The following GRID2 variants were observed in gnomAD, a reference collection of about 807,000 sequenced individuals.
The protein encoded by GRID2 is glutamate ionotropic receptor delta type subunit 2.
GRID2 carries 33 observed loss-of-function variants against 114.8 expected under a neutral mutation model. That is an observed-to-expected ratio of 0.29 (90% CI 0.22 to 0.38). GRID2 has a LOEUF of 0.38. Among genes scored for constraint, GRID2 ranks in the 10% least tolerant of loss-of-function variants. The pLI is 1.00. For synonymous variants in GRID2, 505 were observed against 449.9 expected, an observed-to-expected ratio of 1.12 and a Z score of -1.55; for missense variants, 1,184 against 1,257.7, an observed-to-expected ratio of 0.94 and a Z score of 0.89.
intron 1 of GRID2, among the ~76,000 whole-genome samples, chr4:92,490,654 T>C (rs1723106150): frequency 1.3e-5 from 2 of 152,090 alleles, no homozygotes; most frequent in Admixed American, 1.3e-4. Context: ...TGGGAAAAAA[T>C]GAAATGCTGA....
intron 2 of GRID2, among the ~76,000 whole-genome samples, chr4:92,918,977 G>A (rs1214135882): frequency 6.6e-6 from 1 of 152,050 alleles, no homozygotes; most frequent in Non-Finnish European, 1.5e-5. Flanking sequence ...AATCCCTCTG[G>A]TCCTGGACTT....
chr4:93,591,681 G>A (rs62320415), intron 13 of GRID2, among the ~76,000 whole-genome samples: 1 of 151,910 alleles, frequency 6.6e-6, no homozygotes, highest in Non-Finnish European at 1.5e-5. Context: ...GAATCCATCT[G>A]GTCCTGGACT....
intron 8 of GRID2, among the ~76,000 whole-genome samples, chr4:93,259,892 C>A (rs576136829): frequency 1.1e-3 from 171 of 151,802 alleles, no homozygotes; most frequent in African/African-American, 3.5e-3. Flanking sequence ...TTTCTACTGC[C>A]TTTGCTATTA....
chr4:92,572,794 G>A (rs948132938), intron 1 of GRID2, among the ~76,000 whole-genome samples: 2 of 151,784 alleles, frequency 1.3e-5, no homozygotes, highest in African/African-American at 4.8e-5. Flanking sequence ...TTTTTTTCTT[G>A]TATCTGTCAG....
intron 1 of GRID2, among the ~76,000 whole-genome samples, chr4:92,344,646 T>C (rs1727677102): frequency 6.6e-6 from 1 of 152,162 alleles, no homozygotes. Context: ...TGCTCATTGG[T>C]GGTGAATGCT....
intron 10 of GRID2, among the ~76,000 whole-genome samples, chr4:93,451,031 AG>A (rs981280752): frequency 4.6e-5 from 7 of 152,026 alleles, no homozygotes; most frequent in African/African-American, 1.4e-4. Context: ...GCAGACAAAA[AG>A]ATGGAAGAGA....
chr4:92,933,165 A>G (rs561810801), intron 2 of GRID2, among the ~76,000 whole-genome samples: 5 of 150,048 alleles, frequency 3.3e-5, no homozygotes, highest in African/African-American at 4.9e-5. Flanking sequence ...ATATATACAC[A>G]TATATATATG....
chr4:93,810,439 A>G (rs949159874), downstream of GRID2, among the ~76,000 whole-genome samples: 59 of 152,216 alleles, frequency 3.9e-4, no homozygotes, highest in African/African-American at 1.4e-3. Context: ...AGTTGGTAAT[A>G]AAAACAAATT....
At chr4:92,644,013 C>T (rs1462836334) in intron 2 of GRID2, among the ~76,000 whole-genome samples, 1 of 151,552 alleles carries the variant, frequency 6.6e-6, no homozygotes, top group African/African-American at 2.4e-5. Flanking sequence ...ATTACATTTA[C>T]ATTGCAAGTA....
intron 4 of GRID2, among the ~76,000 whole-genome samples, chr4:93,187,082 G>A (rs965991424): frequency 5.3e-5 from 8 of 152,054 alleles, no homozygotes; most frequent in African/African-American, 1.4e-4. Context: ...CCTTTCACAA[G>A]GGCTCTGTTC....
intron 1 of GRID2, among the ~76,000 whole-genome samples, chr4:92,457,411 A>G (rs1721271529): frequency 6.6e-6 from 1 of 152,180 alleles, no homozygotes; most frequent in Non-Finnish European, 1.5e-5. Context: ...TACCTTGCAT[A>G]GTAATTATAC....
At chr4:93,444,635 T>A (rs1200008140) in intron 10 of GRID2, among the ~76,000 whole-genome samples, 1 of 151,942 alleles carries the variant, frequency 6.6e-6, no homozygotes, top group Non-Finnish European at 1.5e-5. Flanking sequence ...ATATGTAAAT[T>A]AGAGTACCTT....
intron 2 of GRID2, among the ~76,000 whole-genome samples, chr4:92,650,427 G>A (rs145170855): frequency 2.4e-4 from 37 of 152,158 alleles, no homozygotes; most frequent in Non-Finnish European, 4.9e-4. Context: ...ATCACAGGGC[G>A]TGATATTACT....
chr4:93,570,436 T>C (rs189875825), intron 13 of GRID2, among the ~76,000 whole-genome samples: 56 of 152,194 alleles, frequency 3.7e-4, no homozygotes, highest in Non-Finnish European at 1.6e-4. Context: ...TGGAGGAAGA[T>C]AGAAAAAAGT....
chr4:92,343,196 C>T (rs1281049269), intron 1 of GRID2, among the ~76,000 whole-genome samples: 2 of 151,086 alleles, frequency 1.3e-5, no homozygotes, highest in African/African-American at 2.4e-5. Context: ...CTTCGATTTT[C>T]TTCTCTGTGT....
chr4:92,580,924 T>G (rs1490416835), intron 1 of GRID2, among the ~76,000 whole-genome samples: 2 of 151,594 alleles, frequency 1.3e-5, no homozygotes, highest in Non-Finnish European at 3.0e-5. Context: ...CAGGTCAGTT[T>G]GGGAAGAATT....
intron 4 of GRID2, among the ~76,000 whole-genome samples, chr4:93,193,726 A>G (rs192301608): frequency 1.3e-5 from 2 of 152,326 alleles, no homozygotes; most frequent in East Asian, 1.9e-4. Flanking sequence ...ATAGAGATGT[A>G]TGCTAACTGT....
intron 8 of GRID2, among the ~76,000 whole-genome samples, chr4:93,354,187 A>G (rs909088933): frequency 2.0e-5 from 3 of 152,068 alleles, no homozygotes; most frequent in African/African-American, 7.2e-5. Context: ...CCCAAGATCT[A>G]CTTGTCCAGT....
intron 8 of GRID2, among the ~76,000 whole-genome samples, chr4:93,256,035 T>C (rs1182474246): frequency 6.6e-6 from 1 of 152,144 alleles, no homozygotes; most frequent in Non-Finnish European, 1.5e-5. Context: ...TCTTTCATGC[T>C]TTTCTCTTGA....
Sources: allele counts gnomAD v4.1 joint callset (sites outside exome capture counted in the v4.1 genomes callset), GRCh38; gene constraint gnomAD v4.1.1; transcripts MANE v1.5; gene names NCBI Gene and HGNC (gene_info 2026-07-23, HGNC 2026-07-21).